Variants in MGAT4C observed in about 807,000 individuals in gnomAD.
MGAT4C encodes alpha-1,3-mannosyl-glycoprotein 4-beta-N-acetylglucosaminyltransferase C.
In MGAT4C, 19 loss-of-function variants were observed where a neutral mutation model predicts 40.1. The observed-to-expected ratio is 0.47, with a 90% confidence interval of 0.33 to 0.70. The LOEUF (loss-of-function observed/expected upper bound fraction) is 0.70, where lower values mean the gene tolerates loss of function less well. Ranked by LOEUF, MGAT4C falls within the 30% of genes least tolerant of loss-of-function variation. MGAT4C has a pLI of 0.02. For missense variants in MGAT4C, 491 were observed against 563.2 expected, an observed-to-expected ratio of 0.87 and a Z score of 1.30; for synonymous variants, 181 against 187.1, an observed-to-expected ratio of 0.97 and a Z score of 0.27.
intron 1 of MGAT4C, among the ~76,000 whole-genome samples, chr12:86,729,296 C>G (rs966605596): frequency 3.3e-5 from 5 of 152,032 alleles, no homozygotes; most frequent in African/African-American, 1.2e-4. Flanking sequence ...TATGCATTGC[C>G]TGCCTGTATC....
intron 2 of MGAT4C, among the ~76,000 whole-genome samples, chr12:86,652,434 T>A (rs371294877): frequency 1.3e-5 from 2 of 152,024 alleles, no homozygotes; most frequent in African/African-American, 2.4e-5. Flanking sequence ...TCTCAGTTAC[T>A]CTCTTTCTTG....
intron 1 of MGAT4C, among the ~76,000 whole-genome samples, chr12:86,156,413 C>T (rs564903043): frequency 1.3e-5 from 2 of 152,226 alleles, no homozygotes; most frequent in Admixed American, 1.3e-4. Context: ...ACCTCCGTGT[C>T]CCAGGTTCAA....
chr12:86,783,578 A>G (rs951706775), intron 1 of MGAT4C, among the ~76,000 whole-genome samples: 8 of 152,110 alleles, frequency 5.3e-5, no homozygotes, highest in Admixed American at 1.3e-4. Flanking sequence ...TCTTTTCATT[A>G]TATGTACAGT....
rs562512183 is a variant in MGAT4C, at chr12:86,717,482, TGAA to T, written c.-229+9724_-229+9726del. ...TTGCCTTGCAATTATCTTCAAAATTTGAAGAAGTAGATTATGCTGTCAGAAATA... is the reference window on the plus strand; with the variant it reads ...TTGCCTTGCAATTATCTTCAAAATTTGAAGTAGATTATGCTGTCAGAAATA... On this transcript the variant is annotated intron_variant, in intron 2 of 7. Coordinates refer to the MGAT4C transcript ENST00000548651. Among the ~76,000 whole-genome samples, 1,160 of 152,238 alleles carry T rather than the reference TGAA, an allele frequency of 7.6e-3. 5 individuals carry two copies. The highest frequency in any genetic ancestry group is 0.027 in the Middle Eastern group (8 of 294).
chr12:86,661,627 T>C (rs1963981543), intron 2 of MGAT4C, among the ~76,000 whole-genome samples: 1 of 151,318 alleles, frequency 6.6e-6, no homozygotes, highest in Non-Finnish European at 1.5e-5. Context: ...GAATGGGAGG[T>C]TGTCTGGGTA....
chr12:86,418,188 G>C (rs969253451), intron 3 of MGAT4C, among the ~76,000 whole-genome samples: 2 of 152,064 alleles, frequency 1.3e-5, no homozygotes, highest in African/African-American at 4.8e-5. Context: ...TTCAAATGCT[G>C]CTCATGACTA....
intron 1 of MGAT4C, among the ~76,000 whole-genome samples, chr12:86,224,230 T>C (rs1698787): frequency 0.68 from 102,820 of 152,070 alleles, 35,079 homozygotes; most frequent in South Asian, 0.76. Flanking sequence ...GGTCACTATA[T>C]ATAATGATAA....
intron 3 of MGAT4C, among the ~76,000 whole-genome samples, chr12:86,341,606 A>C (rs924096010): frequency 6.6e-6 from 1 of 152,200 alleles, no homozygotes. Flanking sequence ...GCACTCCCCT[A>C]AGAAGGATCT....
At chr12:86,031,242 T>C (rs1199813756) in intron 2 of MGAT4C, among the ~76,000 whole-genome samples, 2 of 151,792 alleles carry the variant, frequency 1.3e-5, no homozygotes, top group East Asian at 1.9e-4. Context: ...ACTGAGTGAA[T>C]AGTAGATTCA....
intron 2 of MGAT4C, among the ~76,000 whole-genome samples, chr12:86,661,758 G>T (rs1963984930): frequency 6.6e-6 from 1 of 152,018 alleles, no homozygotes; most frequent in African/African-American, 2.4e-5. Context: ...AGCCAACATA[G>T]TGAAACCTTG....
chr12:86,419,251 A>G (rs890314563), intron 3 of MGAT4C, among the ~76,000 whole-genome samples: 5 of 152,002 alleles, frequency 3.3e-5, no homozygotes, highest in East Asian at 1.9e-4. Flanking sequence ...AATTTCTTCA[A>G]TCTTACAGAT....
At chr12:86,497,719 A>G (rs1383543448) in intron 2 of MGAT4C, among the ~76,000 whole-genome samples, 1 of 151,332 alleles carries the variant, frequency 6.6e-6, no homozygotes, top group Non-Finnish European at 1.5e-5. Context: ...CCTTTAACAA[A>G]TTACCTTTTC....
At chr12:86,313,430 T>C (rs1390076305) in intron 4 of MGAT4C, among the ~76,000 whole-genome samples, 1 of 152,186 alleles carries the variant, frequency 6.6e-6, no homozygotes, top group East Asian at 1.9e-4. Flanking sequence ...CGTAAGTAAC[T>C]CATATGCTGA....
At chr12:86,381,656 G>A (rs916583352) in intron 3 of MGAT4C, among the ~76,000 whole-genome samples, 6 of 152,094 alleles carry the variant, frequency 3.9e-5, no homozygotes, top group African/African-American at 1.4e-4. Context: ...TTAGGTATTC[G>A]TTAATCCAAT....
intron 3 of MGAT4C, among the ~76,000 whole-genome samples, chr12:86,350,396 C>A (rs1955132631): frequency 6.6e-6 from 1 of 152,062 alleles, no homozygotes; most frequent in Non-Finnish European, 1.5e-5. Context: ...TGTAGCAGGT[C>A]CATGGTACAA....
intron 2 of MGAT4C, among the ~76,000 whole-genome samples, chr12:86,693,824 C>T (rs1950210825): frequency 6.6e-6 from 1 of 151,878 alleles, no homozygotes; most frequent in East Asian, 1.9e-4. Context: ...AATTGTATGC[C>T]TCATGTCTAG....
intron 1 of MGAT4C, among the ~76,000 whole-genome samples, chr12:86,167,171 A>G (rs1042277848): frequency 6.6e-6 from 1 of 152,188 alleles, no homozygotes; most frequent in Non-Finnish European, 1.5e-5. Flanking sequence ...TTTACTCAAT[A>G]ATTACTCTAT....
At chr12:86,433,187 G>A (rs1289816690) in intron 3 of MGAT4C, among the ~76,000 whole-genome samples, 4 of 151,906 alleles carry the variant, frequency 2.6e-5, no homozygotes, top group Non-Finnish European at 5.9e-5. Flanking sequence ...CTAAACTAAA[G>A]CATGTGTATG....
chr12:86,231,316 T>C (rs911373595), intron 1 of MGAT4C, among the ~76,000 whole-genome samples: 6 of 152,224 alleles, frequency 3.9e-5, no homozygotes, highest in African/African-American at 1.4e-4. Context: ...TAAAATTATT[T>C]TGATTCTTTT....
Sources: allele counts gnomAD v4.1 joint callset (sites outside exome capture counted in the v4.1 genomes callset), GRCh38; gene constraint gnomAD v4.1.1; transcripts MANE v1.5; gene names NCBI Gene and HGNC (gene_info 2026-07-23, HGNC 2026-07-21).